ESRRG: variants seen among roughly 807,000 people sequenced by gnomAD.
ESRRG encodes the protein estrogen-related receptor gamma.
In ESRRG, 13 loss-of-function variants were observed where a neutral mutation model predicts 44.0. That is an observed-to-expected ratio of 0.30 (90% CI 0.19 to 0.47). The LOEUF is 0.47. Ranked by LOEUF, ESRRG falls within the 20% of genes least tolerant of loss-of-function variation. The pLI is 1.00. For synonymous variants in ESRRG, 215 were observed against 214.6 expected (o/e 1.00, Z -0.02); for missense variants, 395 against 580.6 (o/e 0.68, Z 3.29).
chr1:216,727,711 T>C (rs924974755), upstream of ESRRG, among the ~76,000 whole-genome samples: 1 of 152,168 alleles, frequency 6.6e-6, no homozygotes, highest in Non-Finnish European at 1.5e-5. Context: ...TCATTTCTGC[T>C]GAAAGTGATC....
chr1:217,039,336 A>C (rs1343751242), intron 1 of ESRRG, among the ~76,000 whole-genome samples: 28 of 152,150 alleles, frequency 1.8e-4, no homozygotes. Flanking sequence ...GTGCGTTTTC[A>C]TGCTGCTGAT....
intron 2 of ESRRG, among the ~76,000 whole-genome samples, chr1:216,898,139 G>A (rs1484994244): frequency 6.6e-6 from 1 of 152,180 alleles, no homozygotes; most frequent in Non-Finnish European, 1.5e-5. Context: ...TCTGATTTTA[G>A]ATTTTTAGTC....
chr1:216,850,815 GA>G (rs1450943833), intron 2 of ESRRG, among the ~76,000 whole-genome samples: 3 of 151,794 alleles, frequency 2.0e-5, no homozygotes, highest in Non-Finnish European at 4.4e-5. Context: ...ATCTATTGAT[GA>G]ATCATTTACC....
At chr1:217,053,120 C>CA (rs1447623115) in intron 1 of ESRRG, among the ~76,000 whole-genome samples, 1 of 90,132 alleles carries the variant, frequency 1.1e-5, no homozygotes, top group African/African-American at 4.6e-5. Flanking sequence ...GGTAACATAG[C>CA]AAAATCCCAT....
chr1:216,978,393 C>T (rs2073351450), intron 1 of ESRRG, among the ~76,000 whole-genome samples: 1 of 152,156 alleles, frequency 6.6e-6, no homozygotes, highest in South Asian at 2.1e-4. Context: ...AACAAGTTTG[C>T]CAGTTCCTGG....
chr1:216,723,788 T>C (rs1042858372), upstream of ESRRG, among the ~76,000 whole-genome samples: 9 of 152,034 alleles, frequency 5.9e-5, no homozygotes, highest in African/African-American at 2.2e-4. Flanking sequence ...CTTAACTCTC[T>C]AAGCACTGGA....
intron 3 of ESRRG, among the ~76,000 whole-genome samples, chr1:216,615,624 T>C (rs1268871862): frequency 6.6e-6 from 1 of 152,142 alleles, no homozygotes; most frequent in East Asian, 1.9e-4. Context: ...CCTACCATCA[T>C]AGACCTTTTT....
Position 216,586,581 on chromosome 1 carries a change from C to CTTT in ESRRG, c.590-18486_590-18484dup, listed in dbSNP as rs752769234. Among the ~76,000 whole-genome samples, 23 of 124,120 alleles carry CTTT rather than the reference C, an allele frequency of 1.9e-4. 1 individual carries two copies. The highest frequency in any genetic ancestry group is 4.3e-4 in the African/African-American group (14 of 32,426). 81.4% of individuals were successfully genotyped at this position (124,120 alleles called of 152,430 possible). Reference sequence around the variant, plus strand: ...ACTAGTAACCTAAGTAACTTTTGGGCTTTTTTTTTTTTTTTTTTTGAGATG... The same window carrying CTTT: ...ACTAGTAACCTAAGTAACTTTTGGGCTTTTTTTTTTTTTTTTTTTTTTGAGATG... On this transcript the variant is annotated intron_variant, in intron 3 of 6. Coordinates refer to ENST00000408911, the MANE Select transcript of ESRRG (RefSeq NM_001438.4).
chr1:216,880,551 T>C (rs1345674034), intron 2 of ESRRG, among the ~76,000 whole-genome samples: 1 of 152,090 alleles, frequency 6.6e-6, no homozygotes, highest in Non-Finnish European at 1.5e-5. Flanking sequence ...CCAAATGTAG[T>C]TTCAACACTG....
chr1:216,730,056 T>TC (rs2088400976), intron 2 of ESRRG, among the ~76,000 whole-genome samples: 1 of 152,112 alleles, frequency 6.6e-6, no homozygotes, highest in African/African-American at 2.4e-5. Context: ...CCAGGTTACA[T>TC]ACCTAGGTAG....
intron 6 of ESRRG, among the ~76,000 whole-genome samples, chr1:216,516,320 A>G (rs2044250986): frequency 1.3e-5 from 2 of 152,122 alleles, no homozygotes; most frequent in South Asian, 4.1e-4. Context: ...ACACACGAAG[A>G]TAGAGTTTCC....
chr1:216,970,773 G>T (rs1467715000), intron 1 of ESRRG, among the ~76,000 whole-genome samples: 1 of 152,256 alleles, frequency 6.6e-6, no homozygotes, highest in East Asian at 1.9e-4. Context: ...CCTTTCAATT[G>T]CTTAGATACC....
chr1:216,834,587 C>T (rs2095535141), intron 2 of ESRRG, among the ~76,000 whole-genome samples: 1 of 151,788 alleles, frequency 6.6e-6, no homozygotes, highest in South Asian at 2.1e-4. Flanking sequence ...GAGGTGATAA[C>T]CTGGAAAAGA....
At chr1:216,983,031 G>GTTTTTTTTTTT (rs9308379) in intron 1 of ESRRG, among the ~76,000 whole-genome samples, 1 of 133,028 alleles carries the variant, frequency 7.5e-6, no homozygotes, top group Non-Finnish European at 1.6e-5. Context: ...ACTTTGAACT[G>GTTTTTTTTTTT]TTTTTTTTTT....
intron 2 of ESRRG, among the ~76,000 whole-genome samples, chr1:216,933,466 G>A (rs1347414783): frequency 2.0e-5 from 3 of 151,980 alleles, no homozygotes; most frequent in Non-Finnish European, 4.4e-5. Flanking sequence ...GAAAATTTGG[G>A]GCACTGTCAA....
Position 216,723,360 on chromosome 1 carries a change from C to A in ESRRG, c.-61G>T. 1 of 1,513,874 alleles carries A rather than the reference C, an allele frequency of 6.6e-7. No homozygotes were observed. The highest frequency in any genetic ancestry group is 9.2e-7 in the Non-Finnish European group (1 of 1,089,194). The allele number at this position is 1,513,874 out of a possible 1,614,324, so 93.8% of individuals were successfully genotyped here. A position where few individuals can be genotyped will look rare whatever the true frequency, so the allele number is the denominator to read the frequency against. On this transcript the variant is annotated 5_prime_UTR_variant, in exon 1 of 7. Transcript: ENST00000408911. Reference sequence around the variant, plus strand: ...ATAAATCAAAGTTTCCTTGACAGAGCACAGTGCAATTAACACAAATGTTCT... The same window carrying A: ...ATAAATCAAAGTTTCCTTGACAGAGAACAGTGCAATTAACACAAATGTTCT...
intron 2 of ESRRG, among the ~76,000 whole-genome samples, chr1:216,932,719 GTTTTTTTTTTTTTTT>G (rs397860904): frequency 7.1e-5 from 5 of 70,300 alleles, no homozygotes; most frequent in Admixed American, 1.9e-4. Flanking sequence ...CACCAAACTT[GTTTTTTTTTTTTTTT>G]TTTTTTTTTT....
rs750331242 is a variant in ESRRG at position 216,677,316 on chromosome 1, C to T, written c.232G>A (p.Gly78Arg). The change falls in exon 2 of 7, where the codon GGA becomes AGA. Residue 78 changes from glycine to arginine, a missense_variant. By Grantham distance (125) the Gly-to-Arg change is moderately radical. Around this residue, in one of 5 missense-constraint regions of ESRRG, gnomAD observed 148 missense variants for 150.4 expected, o/e 0.98. Transcript: ENST00000408911. ...YSSTMNGHQN[G>R]LDSPPLYPSA... ...GGGTAGAGAGGTGGCGAGTCAAGTC[C>T]GTTCTGATGGCCATTCATGGTTGAA... The T allele has an allele frequency of 7.4e-6, 12 of 1,614,024 alleles. No homozygotes were observed. The highest frequency in any genetic ancestry group is 3.3e-5 in the Admixed American group (2 of 59,986).
chr1:217,005,366 C>G (rs368759171), intron 1 of ESRRG, among the ~76,000 whole-genome samples: 1 of 152,068 alleles, frequency 6.6e-6, no homozygotes, highest in South Asian at 2.1e-4. Context: ...AAGACTGGTG[C>G]CTTTTCTCCA....
Sources: gnomAD v4.1 joint callset for allele counts (sites outside exome capture counted in the v4.1 genomes callset) on GRCh38, gnomAD v4.1.1 for gene constraint, gnomAD v4.1.1 regional missense constraint, MANE v1.5 for transcripts, NCBI Gene and HGNC (gene_info 2026-07-23, HGNC 2026-07-21) for gene names.